The following FAT1 variants were observed in gnomAD, a reference collection of about 807,000 sequenced individuals.
FAT1 encodes protocadherin Fat 1.
FAT1 carries 171 observed loss-of-function variants against 329.8 expected under a neutral mutation model. The observed-to-expected ratio is 0.52, with a 90% CI of 0.46 to 0.59. FAT1 has a LOEUF of 0.59. FAT1 is among the 20% of genes least tolerant of loss of function. The probability of loss-of-function intolerance (pLI) is 0.00; values close to 1 mark genes in which losing one functional copy is unlikely to be tolerated. For synonymous variants in FAT1, 2,233 were observed against 2,228.6 expected (o/e 1.00, Z -0.06); for missense variants, 5,672 against 5,774.4 (o/e 0.98, Z 0.57).
At chr4:186,667,399 A>G (rs1051681527) in intron 2 of FAT1, among the ~76,000 whole-genome samples, 40 of 152,212 alleles carry the variant, frequency 2.6e-4, no homozygotes, top group African/African-American at 8.7e-4. Context: ...AATATCGGAG[A>G]TTGTGTAATT....
At chr4:186,595,329 G>C (rs1738449065) in intron 26 of FAT1, among the ~76,000 whole-genome samples, 1 of 152,084 alleles carries the variant, frequency 6.6e-6, no homozygotes, top group African/African-American at 2.4e-5. Flanking sequence ...GAGAGAGTGT[G>C]TGTTTGTGTG....
rs545581408 is a variant in FAT1 at position 186,596,070 on chromosome 4, A to G, written c.13001-244T>C. Among the ~76,000 whole-genome samples, 21 of 152,302 alleles carry G rather than the reference A, an allele frequency of 1.4e-4. No individual in the cohort carries two copies. In the South Asian group the frequency reaches 4.1e-3, roughly 30 times the overall value. ...GTAGAAATCGCCCATAAGCATGCCT[A>G]TGGGTATCATTAGACAGTAAAGGCT... On this transcript the variant is annotated intron_variant, in intron 25 of 26. Coordinates refer to ENST00000441802, the MANE Select transcript of FAT1 (RefSeq NM_005245.4). The surrounding 1 kb of genome is among the most constrained non-coding windows in gnomAD (Gnocchi z 4.7).
chr4:186,599,651 CGGGCACTGGGA>C lies in FAT1; in HGVS notation c.12103+236_12103+246del, dbSNP rs954967979. On this transcript the variant is annotated intron_variant, in intron 22 of 26. Transcript: ENST00000441802. Reference sequence around the variant, plus strand: ...TGAGTCACTTGAGGTGCCTCCTGCTCGGGCACTGGGAGGGCACTGCAGGCGCTCAGCAGTGG... The same window carrying C: ...TGAGTCACTTGAGGTGCCTCCTGCTCGGGCACTGCAGGCGCTCAGCAGTGG... Among the ~76,000 whole-genome samples, 30 of 152,280 alleles carry C rather than the reference CGGGCACTGGGA, an allele frequency of 2.0e-4. 1 individual carries two copies. The South Asian group carries it at 3.7e-3, about 19-fold the overall frequency.
In FAT1 at chr4:186,620,885, C is replaced by T. The variant is rs2126520154; in HGVS notation, c.5701G>A (p.Val1901Ile). 1.2e-6 allele frequency: 2 copies of T among 1,614,028 alleles called. No individual in the cohort carries two copies. Among genetic ancestry groups the T allele is most frequent in the African/African-American group, 2.7e-5 (2 of 75,060 alleles). The change falls in exon 10 of 27, where the codon GTA (valine) becomes ATA (isoleucine). Residue 1901 changes from valine (V) to isoleucine (I), a missense_variant. Val to Ile is a conservative substitution (Grantham distance 29). Coordinates refer to ENST00000441802, the MANE Select transcript of FAT1 (RefSeq NM_005245.4). ...CTTGAATCAGCATCTGTAGCATTTA[C>T]TGTGATGACTTTTACTCCTTTGTAT... Reference protein sequence around the residue: ...PTYKGVKVITVNATDADSSAF... With the variant: ...PTYKGVKVITINATDADSSAF...
intron 3 of FAT1, among the ~76,000 whole-genome samples, chr4:186,654,726 A>AC (rs1175783233): frequency 6.6e-6 from 1 of 152,074 alleles, no homozygotes; most frequent in African/African-American, 2.4e-5. Flanking sequence ...CCTGAGCAAC[A>AC]CGGTGAGACC....
chr4:186,694,143 T>A (rs1743919472), intron 2 of FAT1, among the ~76,000 whole-genome samples: 1 of 152,046 alleles, frequency 6.6e-6, no homozygotes, highest in South Asian at 2.1e-4. Context: ...CTGCCTCTCA[T>A]CTACTAATCC....
chr4:186,707,966 G>A lies in FAT1; in HGVS notation c.1862C>T (p.Ser621Leu), dbSNP rs370787232. ...ELDFFSLNPN[S>L]GVLSLKRSLM... ...CGATCGCTTTAATGACAATACCCCC[G>A]AGTTGGGGTTTAAACTAAAGAAATC... Residue 621 changes from serine (S) to leucine (L), a missense_variant, in exon 2 of 27, where the codon TCG (serine) becomes TTG (leucine). Physicochemically the swap from Ser to Leu is moderately radical, Grantham distance 145. This residue lies in a region of FAT1 where 3,966 missense variants were observed against 3,915.2 expected (regional missense o/e 1.01). Coordinates refer to ENST00000441802, the MANE Select transcript of FAT1 (RefSeq NM_005245.4). The A allele has an allele frequency of 2.4e-5, 39 of 1,613,714 alleles. No homozygotes were observed. Among genetic ancestry groups the A allele is most frequent in the South Asian group, 8.8e-5 (8 of 91,084 alleles).
chr4:186,719,406 A>G (rs1305298815), intron 1 of FAT1, among the ~76,000 whole-genome samples: 1 of 152,250 alleles, frequency 6.6e-6, no homozygotes, highest in Non-Finnish European at 1.5e-5. Context: ...ATTTTATATC[A>G]GGGACTTGAG....
chr4:186,647,227 G>A (rs1035732715), intron 3 of FAT1, among the ~76,000 whole-genome samples: 4 of 152,270 alleles, frequency 2.6e-5, no homozygotes, highest in East Asian at 1.9e-4. Flanking sequence ...CTCACAGTTC[G>A]CTTTTTAGCC....
chr4:186,670,935 A>T (rs1232849608), intron 2 of FAT1, among the ~76,000 whole-genome samples: 2 of 152,160 alleles, frequency 1.3e-5, no homozygotes, highest in African/African-American at 2.4e-5. Flanking sequence ...CAATGTACCA[A>T]TACTGATTCT....
At chr4:186,657,588 C>G (rs1741962719) in intron 3 of FAT1, among the ~76,000 whole-genome samples, 1 of 152,014 alleles carries the variant, frequency 6.6e-6, no homozygotes, top group Admixed American at 6.5e-5. Context: ...GGTGTAAAAG[C>G]TATGTGAAAG....
chr4:186,663,690 C>A, intron 2 of FAT1, 77 bp from the exon 3 acceptor site: 1 of 1,166,390 alleles, frequency 8.6e-7, no homozygotes, highest in Non-Finnish European at 1.2e-6. Context: ...TCAACAACTA[C>A]GGCTTACTGA....
At chr4:186,625,388 C>T (rs1740252511) in intron 9 of FAT1, among the ~76,000 whole-genome samples, 1 of 152,122 alleles carries the variant, frequency 6.6e-6, no homozygotes, top group African/African-American at 2.4e-5. Flanking sequence ...GACTAATGAA[C>T]TCGATTTGGT....
chr4:186,600,364 G>C lies in FAT1; in HGVS notation c.11641-4C>G, dbSNP rs2126415518. 6.2e-7 allele frequency: 1 copy of C among 1,604,862 alleles called. No individual in the cohort carries two copies. The highest frequency in any genetic ancestry group is 8.5e-7 in the Non-Finnish European group (1 of 1,174,936). On this transcript the variant is annotated splice_region_variant and splice_polypyrimidine_tract_variant and intron_variant, in intron 21 of 26. Coordinates refer to ENST00000441802, the MANE Select transcript of FAT1 (RefSeq NM_005245.4). ...ACTGCAGCCTTCCATGATGAATCTA[G>C]GATAAAAGCAATGACTGTTCACATT...
intron 7 of FAT1, among the ~76,000 whole-genome samples, chr4:186,629,759 A>G (rs1740501255): frequency 6.6e-6 from 1 of 152,236 alleles, no homozygotes; most frequent in Non-Finnish European, 1.5e-5. Context: ...AGGATGTTTT[A>G]GTTAAATAAA....
intron 3 of FAT1, among the ~76,000 whole-genome samples, chr4:186,661,099 T>C (rs1266879645): frequency 6.6e-6 from 1 of 152,220 alleles, no homozygotes; most frequent in Non-Finnish European, 1.5e-5. Flanking sequence ...AATTGCCACC[T>C]GAGATATGAC....
chr4:186,695,009 G>A (rs1743959763), intron 2 of FAT1, among the ~76,000 whole-genome samples: 1 of 152,046 alleles, frequency 6.6e-6, no homozygotes, highest in Non-Finnish European at 1.5e-5. Flanking sequence ...TTTTTCAAAG[G>A]ATAGTTGGGT....
rs1442824243 is a variant in FAT1 at position 186,589,022 on chromosome 4, T to A, written c.13337A>T (p.Asp4446Val). ...TTCGGGCGGTAACGGTGGTAGCTCA[T>A]CAGCTGCGGGGAAGTCTTCTGGGGG... ...PPPPEDFPAA[D>V]ELPPLPPEFS... The change falls in exon 27 of 27, where the codon GAT becomes GTT. Residue 4446 changes from aspartate (D) to valine (V), a missense_variant. Coordinates refer to ENST00000441802, the MANE Select transcript of FAT1 (RefSeq NM_005245.4). 1.2e-6 allele frequency: 2 copies of A among 1,613,874 alleles called. No individual in the cohort carries two copies. The highest frequency in any genetic ancestry group is 1.7e-6 in the Non-Finnish European group (2 of 1,179,866).
rs527379380 is a variant in FAT1 at position 186,663,220 on chromosome 4, G to C, written c.3580+79C>G. The C allele has an allele frequency of 3.7e-6, 4 of 1,073,930 alleles. No homozygotes were observed. In the East Asian group the frequency reaches 1.0e-4, roughly 28 times the overall value. The allele number at this position is 1,073,930 out of a possible 1,614,324, so 66.5% of individuals were successfully genotyped here. A position where few individuals can be genotyped will look rare whatever the true frequency, so the allele number is the denominator to read the frequency against. On this transcript the variant is annotated intron_variant, in intron 3 of 26. Transcript: ENST00000441802. Reference sequence around the variant, plus strand: ...TATCAAGAAACAAAAGTATGTAACAGATAAATGCTAATTCTTACTTTTCCC... The same window carrying C: ...TATCAAGAAACAAAAGTATGTAACACATAAATGCTAATTCTTACTTTTCCC...
Sources: allele counts gnomAD v4.1 joint callset (sites outside exome capture counted in the v4.1 genomes callset), GRCh38; gene constraint gnomAD v4.1.1; regional missense constraint gnomAD v4.1.1; non-coding constraint Gnocchi (gnomAD v3.1); transcripts MANE v1.5; gene names NCBI Gene and HGNC (gene_info 2026-07-23, HGNC 2026-07-21).